Variants in SYT9 observed in about 807,000 individuals in gnomAD.
SYT9 encodes synaptotagmin 9.
SYT9 carries 22 observed loss-of-function variants against 48.4 expected under a neutral mutation model. The ratio of observed to expected loss-of-function variants is 0.45; its 90% CI spans 0.32 to 0.65. The LOEUF (loss-of-function observed/expected upper bound fraction) is 0.65. Among genes scored for constraint, SYT9 ranks in the 30% least tolerant of loss-of-function variants. SYT9 has a pLI of 0.03. For synonymous variants in SYT9, 265 were observed against 245.0 expected (o/e 1.08, Z -0.76); for missense variants, 577 against 622.0 (o/e 0.93, Z 0.77).
chr11:7,432,191 AC>A (rs1045865237), intron 6 of SYT9, among the ~76,000 whole-genome samples: 8 of 152,128 alleles, frequency 5.3e-5, no homozygotes, highest in African/African-American at 1.7e-4. Flanking sequence ...TTGGGGGCCC[AC>A]CCTTTGCACC....
chr11:7,313,367 CTT>C, intron 2 of SYT9, 26 bp from the exon 3 acceptor site: 1 of 1,574,030 alleles, frequency 6.4e-7, no homozygotes, highest in East Asian at 2.2e-5. Context: ...AAGGTTATAA[CTT>C]TGTTCTGTGT....
In SYT9 at chr11:7,303,304, C is replaced by T; in HGVS notation, c.411C>T (p.Pro137=). ...TCAGCCACACCTCCCCTGACATTCC[C>T]CTCTCCACCCAGACGGGGATCCAGG... The part of the protein sequence containing the change: ...MKISHTSPDI[P]LSTQTGIQEN... Residue 137 remains proline, a synonymous_variant, in exon 2 of 7, where the codon CCC becomes CCT. Coordinates refer to ENST00000318881, the MANE Select transcript of SYT9 (RefSeq NM_175733.4). 1 of 1,614,010 alleles carries T rather than the reference C, an allele frequency of 6.2e-7. No homozygotes were observed. Among genetic ancestry groups the T allele is most frequent in the Non-Finnish European group, 8.5e-7 (1 of 1,180,030 alleles).
At chr11:7,425,747 C>T (rs1847443921) in intron 6 of SYT9, among the ~76,000 whole-genome samples, 1 of 152,074 alleles carries the variant, frequency 6.6e-6, no homozygotes. Flanking sequence ...GATAAATGAA[C>T]ATAGCAAAAG....
intron 1 of SYT9, among the ~76,000 whole-genome samples, chr11:7,269,222 T>C (rs1252708497): frequency 1.3e-5 from 2 of 150,534 alleles, no homozygotes; most frequent in Non-Finnish European, 3.0e-5. Flanking sequence ...GTTGGGGGGG[T>C]GGGAAATGGG....
intron 2 of SYT9, among the ~76,000 whole-genome samples, chr11:7,304,527 T>C (rs1256279501): frequency 6.6e-6 from 1 of 152,224 alleles, no homozygotes; most frequent in Non-Finnish European, 1.5e-5. Context: ...GAAATAAGAC[T>C]TTACCCTTTT....
chr11:7,300,498 A>G (rs773320430), intron 1 of SYT9, among the ~76,000 whole-genome samples: 1 of 152,230 alleles, frequency 6.6e-6, no homozygotes, highest in African/African-American at 2.4e-5. Context: ...GATAGGGCAG[A>G]GTGACTAATA....
At chr11:7,395,281 G>T (rs1021218014) in intron 3 of SYT9, among the ~76,000 whole-genome samples, 4 of 152,158 alleles carry the variant, frequency 2.6e-5, no homozygotes, top group African/African-American at 7.2e-5. Flanking sequence ...GTCAATTTCA[G>T]ATTATGTTCT....
chr11:7,466,035 C>T (rs1357654822), intron 6 of SYT9, among the ~76,000 whole-genome samples: 2 of 152,140 alleles, frequency 1.3e-5, no homozygotes, highest in African/African-American at 4.8e-5. Flanking sequence ...ATCATATCAC[C>T]AGCCTTACCT....
chr11:7,357,031 T>C (rs1564874595), intron 3 of SYT9, among the ~76,000 whole-genome samples: 2 of 152,168 alleles, frequency 1.3e-5, no homozygotes, highest in Non-Finnish European at 2.9e-5. Context: ...AAATCTGGTA[T>C]GAAGAGTCAG....
intron 2 of SYT9, among the ~76,000 whole-genome samples, chr11:7,311,186 C>A (rs1259469222): frequency 6.6e-6 from 1 of 152,112 alleles, no homozygotes; most frequent in Non-Finnish European, 1.5e-5. Flanking sequence ...CCTGTAATCC[C>A]AGCTATTTGG....
At chr11:7,426,756 T>G (rs537906610) in intron 6 of SYT9, among the ~76,000 whole-genome samples, 4 of 152,160 alleles carry the variant, frequency 2.6e-5, no homozygotes, top group Admixed American at 1.3e-4. Context: ...TCTACCTGTC[T>G]GGTGGAAACA....
intron 1 of SYT9, among the ~76,000 whole-genome samples, chr11:7,300,516 T>G (rs1279060557): frequency 6.6e-6 from 1 of 152,222 alleles, no homozygotes; most frequent in East Asian, 1.9e-4. Flanking sequence ...ATAACACAGT[T>G]ATCTCATCAC....
At chr11:7,273,767 A>T (rs1848337815) in intron 1 of SYT9, among the ~76,000 whole-genome samples, 1 of 152,196 alleles carries the variant, frequency 6.6e-6, no homozygotes, top group Non-Finnish European at 1.5e-5. Context: ...TTTATTTTAA[A>T]ATCTTTGGAG....
chr11:7,284,517 C>T (rs984040401), intron 1 of SYT9, among the ~76,000 whole-genome samples: 3 of 151,996 alleles, frequency 2.0e-5, no homozygotes, highest in Non-Finnish European at 4.4e-5. Context: ...AAATCATGTT[C>T]TCTTAGTATA....
At chr11:7,365,805 G>A (rs963682363) in intron 3 of SYT9, among the ~76,000 whole-genome samples, 1 of 152,174 alleles carries the variant, frequency 6.6e-6, no homozygotes, top group African/African-American at 2.4e-5. Flanking sequence ...TGTGAAATAT[G>A]TGAGCAGGAT....
chr11:7,382,476 AG>A (rs1354530427), intron 3 of SYT9, among the ~76,000 whole-genome samples: 1 of 152,144 alleles, frequency 6.6e-6, no homozygotes, highest in Non-Finnish European at 1.5e-5. Context: ...TTAGGTAGGA[AG>A]GCTGTGAGCA....
At chr11:7,315,673 A>G (rs184256487) in intron 3 of SYT9, among the ~76,000 whole-genome samples, 7 of 152,350 alleles carry the variant, frequency 4.6e-5, no homozygotes, top group Admixed American at 1.3e-4. Context: ...AAATCTGGAT[A>G]AGGCTGATGA....
At chr11:7,424,589 C>G (rs1184617781) in intron 6 of SYT9, among the ~76,000 whole-genome samples, 1 of 152,150 alleles carries the variant, frequency 6.6e-6, no homozygotes, top group Non-Finnish European at 1.5e-5. Context: ...TGAATAAGTA[C>G]TAATCTTGGT....
intron 6 of SYT9, among the ~76,000 whole-genome samples, chr11:7,449,521 A>G (rs1848004236): frequency 6.6e-6 from 1 of 152,032 alleles, no homozygotes; most frequent in African/African-American, 2.4e-5. Flanking sequence ...TGAAGGATTA[A>G]GGATGTAGGG....
Sources: allele counts gnomAD v4.1 joint callset (sites outside exome capture counted in the v4.1 genomes callset), GRCh38; gene constraint gnomAD v4.1.1; transcripts MANE v1.5; gene names NCBI Gene and HGNC (gene_info 2026-07-23, HGNC 2026-07-21).